TMEM132D: variants seen among roughly 807,000 people sequenced by gnomAD.
TMEM132D encodes the protein mature OL transmembrane protein.
Under a neutral mutation model 62.3 loss-of-function variants are expected in TMEM132D, and 21 were observed. The ratio of observed to expected loss-of-function variants is 0.34; its 90% confidence interval spans 0.24 to 0.49. The LOEUF (loss-of-function observed/expected upper bound fraction) is 0.49. Ranked by LOEUF, TMEM132D falls within the 20% of genes least tolerant of loss-of-function variation. The pLI is 0.99. For missense variants in TMEM132D, 1,346 were observed against 1,402.8 expected (o/e 0.96, Z 0.65); for synonymous variants, 621 against 575.6 (o/e 1.08, Z -1.13).
intron 3 of TMEM132D, among the ~76,000 whole-genome samples, chr12:129,394,661 G>T (rs1373680850): frequency 1.3e-5 from 2 of 152,212 alleles, no homozygotes; most frequent in Non-Finnish European, 2.9e-5. Flanking sequence ...GGCTCAGCGG[G>T]GCTGGACTGT....
intron 5 of TMEM132D, among the ~76,000 whole-genome samples, chr12:129,102,760 A>T (rs1304950844): frequency 6.6e-6 from 1 of 152,198 alleles, no homozygotes. Context: ...GGATCATAAA[A>T]TATTCTCGAC....
intron 1 of TMEM132D, among the ~76,000 whole-genome samples, chr12:129,722,738 T>C (rs2398474): frequency 0.56 from 74,338 of 133,686 alleles, 19,351 homozygotes; most frequent in Middle Eastern, 0.64. Context: ...CTTTTTCTTT[T>C]TTTCTTTTTT....
At chr12:129,605,587 T>TTTTATATATATATATATATA (rs1555221320) in intron 2 of TMEM132D, among the ~76,000 whole-genome samples, 2 of 107,384 alleles carry the variant, frequency 1.9e-5, no homozygotes, top group African/African-American at 7.8e-5. Flanking sequence ...AAATTAGGCA[T>TTTTATATATATATATATATA]TATATATATA....
chr12:129,514,148 C>T (rs142055950), intron 3 of TMEM132D, among the ~76,000 whole-genome samples: 55 of 152,178 alleles, frequency 3.6e-4, no homozygotes, highest in African/African-American at 1.3e-3. Flanking sequence ...CAATGGGGAC[C>T]AAATTTTAAT....
chr12:129,196,120 C>A (rs1878543931), intron 5 of TMEM132D, among the ~76,000 whole-genome samples: 1 of 151,754 alleles, frequency 6.6e-6, no homozygotes, highest in Non-Finnish European at 1.5e-5. Context: ...GAGTGAGACT[C>A]CATCTCAAAA....
At chr12:129,670,089 T>C (rs926046154) in intron 2 of TMEM132D, among the ~76,000 whole-genome samples, 6 of 152,128 alleles carry the variant, frequency 3.9e-5, no homozygotes, top group African/African-American at 9.7e-5. Flanking sequence ...AAGGGAGGGA[T>C]TGAAACCACC....
chr12:129,780,712 T>C (rs1472906838), intron 1 of TMEM132D, among the ~76,000 whole-genome samples: 2 of 152,194 alleles, frequency 1.3e-5, no homozygotes, highest in Admixed American at 6.5e-5. Context: ...ACAAGCCCCC[T>C]GTACCTGCTG....
chr12:129,387,453 A>T (rs569968204), intron 3 of TMEM132D, among the ~76,000 whole-genome samples: 35 of 122,480 alleles, frequency 2.9e-4, no homozygotes, highest in African/African-American at 1.3e-3. Context: ...TAACACTAAC[A>T]GTAATACTAT....
At chr12:129,264,575 C>T (rs976401308) in intron 4 of TMEM132D, among the ~76,000 whole-genome samples, 6 of 152,036 alleles carry the variant, frequency 3.9e-5, no homozygotes, top group Non-Finnish European at 5.9e-5. Flanking sequence ...GAGTATCTAC[C>T]CCGAGGAAAA....
chr12:129,545,885 G>A (rs954755545), intron 2 of TMEM132D, among the ~76,000 whole-genome samples: 7 of 152,174 alleles, frequency 4.6e-5, no homozygotes, highest in Admixed American at 3.3e-4. Flanking sequence ...TCTCGGAGCT[G>A]TCTCTCTTCT....
At chr12:129,326,679 G>C (rs1008402119) in intron 4 of TMEM132D, among the ~76,000 whole-genome samples, 7 of 152,216 alleles carry the variant, frequency 4.6e-5, no homozygotes, top group Admixed American at 3.3e-4. Flanking sequence ...GAAAGTGTTT[G>C]CCAGCTCCAT....
At chr12:129,869,792 C>T (rs574595045) in intron 1 of TMEM132D, among the ~76,000 whole-genome samples, 86 of 152,222 alleles carry the variant, frequency 5.6e-4, no homozygotes, top group South Asian at 3.5e-3. Flanking sequence ...TAATGATAAC[C>T]GTTCTGCCAA....
intron 5 of TMEM132D, among the ~76,000 whole-genome samples, chr12:129,180,425 C>T (rs12426200): frequency 0.48 from 73,289 of 151,984 alleles, 17,842 homozygotes; most frequent in East Asian, 0.63. Flanking sequence ...TATTCATTTG[C>T]TCACATACTC....
chr12:129,302,900 C>G (rs898047650), intron 4 of TMEM132D, among the ~76,000 whole-genome samples: 10 of 152,286 alleles, frequency 6.6e-5, no homozygotes, highest in Admixed American at 5.9e-4. Context: ...AAAGACAACC[C>G]ACTGCCAGCT....
chr12:129,425,218 C>T (rs910585859), intron 3 of TMEM132D, among the ~76,000 whole-genome samples: 6 of 152,230 alleles, frequency 3.9e-5, no homozygotes, highest in East Asian at 1.9e-4. Flanking sequence ...GACGTTCATG[C>T]GCAGGTTTTT....
intron 1 of TMEM132D, among the ~76,000 whole-genome samples, chr12:129,844,738 A>G (rs1873308443): frequency 1.3e-5 from 2 of 152,172 alleles, no homozygotes; most frequent in South Asian, 4.1e-4. Flanking sequence ...TCTCCCTTAT[A>G]TGGTCCCAGA....
At chr12:129,778,716 A>T (rs1871027452) in intron 1 of TMEM132D, among the ~76,000 whole-genome samples, 1 of 152,170 alleles carries the variant, frequency 6.6e-6, no homozygotes, top group African/African-American at 2.4e-5. Flanking sequence ...TTGTATTTTG[A>T]CTTACCTGGG....
chr12:129,746,515 C>G (rs937641144), intron 1 of TMEM132D, among the ~76,000 whole-genome samples: 3 of 152,118 alleles, frequency 2.0e-5, no homozygotes, highest in African/African-American at 7.2e-5. Context: ...AAAGCATTGT[C>G]AGGCGTGGGG....
At chr12:129,593,370 T>C (rs1272081413) in intron 2 of TMEM132D, among the ~76,000 whole-genome samples, 1 of 152,192 alleles carries the variant, frequency 6.6e-6, no homozygotes, top group African/African-American at 2.4e-5. Flanking sequence ...TATTTTATTG[T>C]ACTATACAAA....
Sources: gnomAD v4.1 joint callset for allele counts (sites outside exome capture counted in the v4.1 genomes callset) on GRCh38, gnomAD v4.1.1 for gene constraint, MANE v1.5 for transcripts, NCBI Gene and HGNC (gene_info 2026-07-23, HGNC 2026-07-21) for gene names.